Variants in LYST observed in about 807,000 individuals in gnomAD.
LYST encodes the protein lysosomal trafficking regulator.
A neutral mutation model predicts 413.6 loss-of-function variants in LYST; 192 were observed. The ratio of observed to expected loss-of-function variants is 0.46; its 90% CI spans 0.41 to 0.52. The LOEUF (loss-of-function observed/expected upper bound fraction) is 0.52. LYST is among the 20% of genes least tolerant of loss of function. The pLI, the probability that LYST is intolerant of heterozygous loss-of-function variation, is 0.00. For missense variants in LYST, 3,815 were observed against 4,499.9 expected, an observed-to-expected ratio of 0.85 and a Z score of 4.35; for synonymous variants, 1,525 against 1,567.3, an observed-to-expected ratio of 0.97 and a Z score of 0.64.
intron 7 of LYST, among the ~76,000 whole-genome samples, 167 bp downstream of exon 7, chr1:235,804,337 T>A (rs960995216): frequency 6.6e-6 from 1 of 152,140 alleles, no homozygotes; most frequent in Non-Finnish European, 1.5e-5. Context: ...CAAAATACTG[T>A]CCATCCCATC....
chr1:235,774,501 C>T (rs1669031381), intron 18 of LYST, among the ~76,000 whole-genome samples: 1 of 152,134 alleles, frequency 6.6e-6, no homozygotes, highest in Admixed American at 6.5e-5. Flanking sequence ...GCACGAATAT[C>T]TGTGACTTGA....
chr1:235,702,701 G>A (rs983031513), intron 45 of LYST, 46 bp downstream of exon 45: 26 of 1,486,258 alleles, frequency 1.7e-5, no homozygotes, highest in Admixed American at 3.3e-5. Context: ...CATCACAAGA[G>A]TCTAATCAGG....
At chr1:235,756,759 A>G (rs1667088482) in intron 24 of LYST, among the ~76,000 whole-genome samples, 1 of 152,198 alleles carries the variant, frequency 6.6e-6, no homozygotes, top group African/African-American at 2.4e-5. Flanking sequence ...TAATAAGATA[A>G]TTACAAGACA....
At position 235,830,135 on chromosome 1, in the gene LYST, G is replaced by A. The variant is rs753561017; in HGVS notation, c.192+91C>T. On this transcript the variant is annotated intron_variant, in intron 3 of 52. Coordinates refer to ENST00000389793, the MANE Select transcript of LYST (RefSeq NM_000081.4). ...GTGAAAGACTGGACTTTATCTCAAGGAGGCTTCAGAAACTATGTAATCCAA... is the reference window on the plus strand; with the variant it reads ...GTGAAAGACTGGACTTTATCTCAAGAAGGCTTCAGAAACTATGTAATCCAA... The A allele has an allele frequency of 4.9e-5, 45 of 922,968 alleles. No individual in the cohort carries two copies. In the East Asian group the frequency reaches 1.1e-3, roughly 22 times the overall value. The allele number at this position is 922,968 out of a possible 1,614,324, so 57.2% of individuals were successfully genotyped here. A position where few individuals can be genotyped will look rare whatever the true frequency, so the allele number is the denominator to read the frequency against.
intron 20 of LYST, among the ~76,000 whole-genome samples, chr1:235,769,547 C>T (rs1553289956): frequency 6.6e-6 from 1 of 151,832 alleles, no homozygotes; most frequent in Non-Finnish European, 1.5e-5. Context: ...ATGCCTTAGA[C>T]ATTAAAAAAA....
chr1:235,797,049 C>T (rs1671624397), intron 10 of LYST, among the ~76,000 whole-genome samples: 1 of 152,114 alleles, frequency 6.6e-6, no homozygotes, highest in African/African-American at 2.4e-5. Context: ...ATGGTATAGC[C>T]ATTTTGGACA....
chr1:235,802,737 T>G (rs1257378897), intron 8 of LYST, among the ~76,000 whole-genome samples, 171 bp downstream of exon 8: 1 of 152,254 alleles, frequency 6.6e-6, no homozygotes, highest in Non-Finnish European at 1.5e-5. Flanking sequence ...TATATCACAT[T>G]GTTGCATATA....
chr1:235,681,258 T>C (rs2103044782), intron 48 of LYST, among the ~76,000 whole-genome samples: 1 of 152,040 alleles, frequency 6.6e-6, no homozygotes, highest in South Asian at 2.1e-4. Context: ...AGACAGCATG[T>C]GTGAGGGAAA....
At chr1:235,869,196 G>C (rs1351761929), upstream of LYST, among the ~76,000 whole-genome samples, 2 of 152,160 alleles carry the variant, frequency 1.3e-5, no homozygotes, top group Non-Finnish European at 2.9e-5. Context: ...TACTTGGCCG[G>C]GCGCAGTGGC....
chr1:235,793,906 C>T (rs1333074000), intron 10 of LYST, among the ~76,000 whole-genome samples: 1 of 152,054 alleles, frequency 6.6e-6, no homozygotes. Flanking sequence ...GATCTCGGCT[C>T]ACTGCAACCT....
In LYST at chr1:235,757,368, T is replaced by C. The variant is rs1343130107; in HGVS notation, c.6972A>G (p.Glu2324=). ...VLLILPDVLL[E]DVMDKLIQAD... is the part of the protein sequence containing the mutation. ...CTTGAATAAGCTTGTCCATCACATC[T>C]TCAAGCAAAACATCAGGCAGGATAA... The change falls in exon 24 of 53, where the codon GAA becomes GAG. Residue 2324 remains glutamate, a synonymous_variant. Transcript: ENST00000389793. The C allele has an allele frequency of 1.9e-6, 3 of 1,613,462 alleles. No individual in the cohort carries two copies. Among genetic ancestry groups the C allele is most frequent in the African/African-American group, 2.7e-5 (2 of 74,864 alleles).
rs1658017268 is a variant in LYST, at chr1:235,661,077, G to A, written c.*1863C>T. ...AATTTATTTCCAAATTGAAGAGGCA[G>A]TGTATATAAAGGTAACAGAGCTTGT... On this transcript the variant is annotated 3_prime_UTR_variant, in exon 53 of 53. Coordinates refer to ENST00000389793, the MANE Select transcript of LYST (RefSeq NM_000081.4). The A allele has an allele frequency of 1.3e-5, 2 of 152,674 alleles. No individual in the cohort carries two copies. The highest frequency in any genetic ancestry group is 4.8e-5 in the African/African-American group (2 of 41,550). The allele number at this position is 152,674 out of a possible 1,614,324, so 9.5% of individuals were successfully genotyped here.
chr1:235,829,745 A>G (rs1675741787), intron 3 of LYST: 1 of 153,452 alleles, frequency 6.5e-6, no homozygotes, highest in African/African-American at 2.4e-5. Flanking sequence ...ACTTTAAGCC[A>G]AAAACGTTTG....
chr1:235,767,465 A>C (rs1668256661), intron 20 of LYST, among the ~76,000 whole-genome samples: 1 of 152,098 alleles, frequency 6.6e-6, no homozygotes, highest in Non-Finnish European at 1.5e-5. Context: ...CCGACTTCCA[A>C]TTCAGAACTA....
chr1:235,848,398 G>A (rs183808098), intron 1 of LYST, among the ~76,000 whole-genome samples: 1 of 152,176 alleles, frequency 6.6e-6, no homozygotes, highest in African/African-American at 2.4e-5. Context: ...TAAGAGGAAA[G>A]TTCACAGTCC....
In LYST at chr1:235,848,174, T is replaced by A. The variant is rs113199222; in HGVS notation, c.-97-14507A>T. 3.3e-3 allele frequency among the ~76,000 whole-genome samples: 509 copies of A among 152,214 alleles called. 6 individuals carry two copies. The highest frequency in any genetic ancestry group is 0.012 in the African/African-American group (488 of 41,540). On this transcript the variant is annotated intron_variant, in intron 1 of 52. Coordinates refer to ENST00000389793, the MANE Select transcript of LYST (RefSeq NM_000081.4). ...TAGATTTAAGAAAACTGAAATTATATCAAGCACTCTCTCAGACCACAGCGG... is the reference window on the plus strand; with the variant it reads ...TAGATTTAAGAAAACTGAAATTATAACAAGCACTCTCTCAGACCACAGCGG...
chr1:235,776,201 A>C (rs957117674), intron 17 of LYST, among the ~76,000 whole-genome samples: 1 of 152,172 alleles, frequency 6.6e-6, no homozygotes, highest in African/African-American at 2.4e-5. Context: ...TAGATTAAAA[A>C]AACTATGAAA....
intron 3 of LYST, among the ~76,000 whole-genome samples, chr1:235,814,757 T>C (rs1673863082): frequency 6.6e-6 from 1 of 152,162 alleles, no homozygotes; most frequent in Non-Finnish European, 1.5e-5. Flanking sequence ...GGTGTCCTGG[T>C]TGTGAAAAGG....
intron 1 of LYST, among the ~76,000 whole-genome samples, chr1:235,836,525 G>A (rs1446577998): frequency 6.6e-6 from 1 of 152,202 alleles, no homozygotes; most frequent in African/African-American, 2.4e-5. Context: ...TGGGAAACGT[G>A]CGTTCCAAGC....
Sources: gnomAD v4.1 joint callset for allele counts (sites outside exome capture counted in the v4.1 genomes callset) on GRCh38, gnomAD v4.1.1 for gene constraint, MANE v1.5 for transcripts, NCBI Gene and HGNC (gene_info 2026-07-23, HGNC 2026-07-21) for gene names.